ATXN7: variants seen among roughly 807,000 people sequenced by gnomAD.
ATXN7 encodes the protein ataxin 7.
A neutral mutation model predicts 70.5 loss-of-function variants in ATXN7; 12 were observed. That is an observed-to-expected ratio of 0.17 (90% CI 0.11 to 0.28). The LOEUF (loss-of-function observed/expected upper bound fraction) is 0.28. Ranked by LOEUF, ATXN7 falls within the 10% of genes least tolerant of loss-of-function variation. The pLI, the probability that ATXN7 is intolerant of heterozygous loss-of-function variation, is 1.00. For missense variants in ATXN7, 1,256 were observed against 1,131.7 expected, an observed-to-expected ratio of 1.11 and a Z score of -1.58; for synonymous variants, 498 against 448.7, an observed-to-expected ratio of 1.11 and a Z score of -1.39.
intron 5 of ATXN7, among the ~76,000 whole-genome samples, chr3:63,968,134 G>A (rs947390269): frequency 2.0e-5 from 3 of 152,136 alleles, no homozygotes; most frequent in Admixed American, 6.5e-5. Flanking sequence ...CATTTGTCTT[G>A]CCTTGCCAGC....
intron 1 of ATXN7, among the ~76,000 whole-genome samples, chr3:63,892,373 A>G (rs1369351049): frequency 2.3e-5 from 2 of 85,244 alleles, no homozygotes; most frequent in Admixed American, 1.6e-4. Context: ...AGACACCTCT[A>G]CCACACACAC....
intron 4 of ATXN7, among the ~76,000 whole-genome samples, chr3:63,949,462 A>G (rs112906801): frequency 0.036 from 5,450 of 152,054 alleles, 313 homozygotes; most frequent in African/African-American, 0.12. Flanking sequence ...GCAGTGGCGC[A>G]ATCTTGGCTC....
At chr3:63,915,167 C>A (rs1019357944) in intron 4 of ATXN7, among the ~76,000 whole-genome samples, 2 of 152,178 alleles carry the variant, frequency 1.3e-5, no homozygotes, top group Non-Finnish European at 2.9e-5. Context: ...AATCTCCTAA[C>A]CTCGTGACCC....
chr3:63,890,462 C>G (rs1307790506), intron 1 of ATXN7, among the ~76,000 whole-genome samples: 2 of 152,148 alleles, frequency 1.3e-5, no homozygotes. Context: ...ATCAATGTAA[C>G]ATGTATAACA....
chr3:63,975,556 C>T (rs1267184815), intron 5 of ATXN7, among the ~76,000 whole-genome samples: 1 of 152,058 alleles, frequency 6.6e-6, no homozygotes, highest in Admixed American at 6.5e-5. Context: ...TTGACAGTTG[C>T]TCACTGTAAA....
At chr3:63,957,104 T>C (rs1227970024) in intron 5 of ATXN7, among the ~76,000 whole-genome samples, 1 of 152,258 alleles carries the variant, frequency 6.6e-6, no homozygotes, top group East Asian at 1.9e-4. Flanking sequence ...GGCTGTATAC[T>C]GAGAGCTTCC....
At chr3:63,987,828 G>C (rs1387498061) in intron 8 of ATXN7, among the ~76,000 whole-genome samples, 5 of 151,954 alleles carry the variant, frequency 3.3e-5, no homozygotes. Flanking sequence ...TCTTCTGATG[G>C]AAATAACATT....
chr3:63,995,755 C>A lies in ATXN7; in HGVS notation c.1933C>A (p.Gln645Lys), dbSNP rs770472162. ...TCCTGTGTGCAGTATGCAATCCAGACAAGTGTCCTCTTCATCCTCATCCCC... is the reference window on the plus strand; with the variant it reads ...TCCTGTGTGCAGTATGCAATCCAGAAAAGTGTCCTCTTCATCCTCATCCCC... ...MDPVCSMQSR[Q>K]VSSSSSSPST... The change falls in exon 12 of 13, where the codon CAA (glutamine) becomes AAA (lysine). Residue 645 changes from glutamine to lysine, a missense_variant. By Grantham distance (53) the Gln-to-Lys change is moderately conservative. Transcript: ENST00000674280. 2 of 1,614,226 alleles carry A rather than the reference C, an allele frequency of 1.2e-6. No homozygotes were observed. Among genetic ancestry groups the A allele is most frequent in the South Asian group, 2.2e-5 (2 of 91,086 alleles).
At chr3:63,902,909 T>C (rs934843885) in intron 2 of ATXN7, among the ~76,000 whole-genome samples, 13 of 152,182 alleles carry the variant, frequency 8.5e-5, no homozygotes, top group African/African-American at 3.1e-4. Flanking sequence ...TAAAACTATG[T>C]TGATAAAAAA....
chr3:63,955,070 C>T (rs2075018643), intron 5 of ATXN7, among the ~76,000 whole-genome samples: 3 of 152,126 alleles, frequency 2.0e-5, no homozygotes, highest in South Asian at 4.1e-4. Context: ...CAGTCCCTAG[C>T]ACGGTATCTC....
At chr3:63,954,634 T>C (rs2075009670) in intron 5 of ATXN7, among the ~76,000 whole-genome samples, 1 of 152,010 alleles carries the variant, frequency 6.6e-6, no homozygotes, top group Non-Finnish European at 1.5e-5. Context: ...GGTTACAGTA[T>C]ACTTATTTTT....
intron 1 of ATXN7, among the ~76,000 whole-genome samples, chr3:63,889,347 G>C (rs1703186906): frequency 6.6e-6 from 1 of 152,192 alleles, no homozygotes; most frequent in Admixed American, 6.5e-5. Context: ...TCAAAGGAGA[G>C]AGACTTTTTG....
chr3:63,927,559 C>A (rs1467654529), intron 4 of ATXN7, among the ~76,000 whole-genome samples: 1 of 152,094 alleles, frequency 6.6e-6, no homozygotes, highest in Non-Finnish European at 1.5e-5. Flanking sequence ...TCCTGGTATT[C>A]TTTTTTGATT....
chr3:63,918,812 A>G (rs1233770375), intron 4 of ATXN7, among the ~76,000 whole-genome samples: 3 of 152,180 alleles, frequency 2.0e-5, no homozygotes, highest in African/African-American at 7.2e-5. Context: ...GTAAAATCCA[A>G]GTTCCCTGCC....
chr3:63,925,931 T>A (rs979607020), intron 4 of ATXN7, among the ~76,000 whole-genome samples: 1 of 152,110 alleles, frequency 6.6e-6, no homozygotes, highest in Admixed American at 6.5e-5. Context: ...GGAGTAGATA[T>A]GTTTGAAAGA....
intron 4 of ATXN7, among the ~76,000 whole-genome samples, chr3:63,928,793 C>T (rs1704819495): frequency 6.6e-6 from 1 of 152,078 alleles, no homozygotes; most frequent in African/African-American, 2.4e-5. Context: ...TTTGTGGGGA[C>T]AACAGGAATA....
chr3:63,913,176 T>C lies in ATXN7; in HGVS notation c.345T>C (p.Ser115=), dbSNP rs1411210291. ...TCCTAGGGACAGAATTGGACGAAAG[T>C]TTCAAGGAGTTTGGGAAAAACCGCG... ...PGKDGTELDE[S]FKEFGKNREV... Residue 115 remains serine (S), a synonymous_variant, in exon 4 of 13, where the codon AGT becomes AGC. Coordinates refer to ENST00000674280, the MANE Select transcript of ATXN7 (RefSeq NM_001377405.1). 4.3e-6 allele frequency: 7 copies of C among 1,613,778 alleles called. No individual in the cohort carries two copies. The highest frequency in any genetic ancestry group is 5.1e-6 in the Non-Finnish European group (6 of 1,179,918).
chr3:63,927,638 T>G (rs888362321), intron 4 of ATXN7, among the ~76,000 whole-genome samples: 8 of 152,362 alleles, frequency 5.3e-5, no homozygotes, highest in African/African-American at 1.9e-4. Flanking sequence ...AATGACGGTG[T>G]GCTTGAATCC....
chr3:63,892,963 G>A lies in ATXN7; in HGVS notation c.-110-5436G>A, dbSNP rs559311778. ...GTTCAAGGAGGCATGAACAACAGGT[G>A]TGGAGAAACAGGTGGGAATTGTGGT... On this transcript the variant is annotated intron_variant, in intron 1 of 12. Transcript: ENST00000674280. Among the ~76,000 whole-genome samples the A allele has an allele frequency of 2.6e-5, 4 of 152,304 alleles. No individual in the cohort carries two copies. In the South Asian group the frequency reaches 8.3e-4, roughly 32 times the overall value.
Sources: allele counts gnomAD v4.1 joint callset (sites outside exome capture counted in the v4.1 genomes callset), GRCh38; gene constraint gnomAD v4.1.1; transcripts MANE v1.5; gene names NCBI Gene and HGNC (gene_info 2026-07-23, HGNC 2026-07-21).